Variants in KCNIP4 observed in about 807,000 individuals in gnomAD.
The protein encoded by KCNIP4 is Kv channel-interacting protein 4.
In KCNIP4, 12 loss-of-function variants were observed where a neutral mutation model predicts 34.0. The ratio of observed to expected loss-of-function variants is 0.35; its 90% CI spans 0.23 to 0.57. The LOEUF (loss-of-function observed/expected upper bound fraction) is 0.57. Among genes scored for constraint, KCNIP4 ranks in the 20% least tolerant of loss-of-function variants. The probability of loss-of-function intolerance (pLI) is 0.83; values close to 1 mark genes in which losing one functional copy is unlikely to be tolerated. For missense variants in KCNIP4, 238 were observed against 311.7 expected (o/e 0.76, Z 1.78); for synonymous variants, 124 against 102.2 (o/e 1.21, Z -1.29).
chr4:20,983,153 A>C (rs1307763299), intron 1 of KCNIP4, among the ~76,000 whole-genome samples: 1 of 152,232 alleles, frequency 6.6e-6, no homozygotes, highest in Non-Finnish European at 1.5e-5. Context: ...TTGGATAGCA[A>C]GAGTAAAATT....
chr4:20,805,241 G>A (rs898489166), intron 3 of KCNIP4, among the ~76,000 whole-genome samples: 1 of 104,752 alleles, frequency 9.5e-6, no homozygotes, highest in Non-Finnish European at 1.8e-5. Flanking sequence ...TTTCTGTGTT[G>A]CTCAGACTGC....
intron 1 of KCNIP4, among the ~76,000 whole-genome samples, chr4:21,265,752 T>G (rs1560232102): frequency 6.6e-6 from 1 of 152,204 alleles, no homozygotes; most frequent in Non-Finnish European, 1.5e-5. Flanking sequence ...ACCTATTTGA[T>G]GGGTGGAAGG....
At chr4:21,844,059 C>G (rs983669032) in intron 1 of KCNIP4, 1 of 151,748 alleles carries the variant, frequency 6.6e-6, no homozygotes, top group African/African-American at 2.4e-5. Context: ...TGCATTCACT[C>G]ACTCACTCTA....
chr4:21,125,105 G>A (rs1451025178), intron 1 of KCNIP4, among the ~76,000 whole-genome samples: 1 of 148,786 alleles, frequency 6.7e-6, no homozygotes, highest in Admixed American at 6.8e-5. Context: ...TGAGAAGCCA[G>A]CGTGACTAGA....
rs1356216942 is a variant in KCNIP4, at chr4:21,247,597, C to CACAGATGG, written c.62-364896_62-364889dup. 2.3e-4 allele frequency among the ~76,000 whole-genome samples: 25 copies of CACAGATGG among 110,238 alleles called. 1 individual carries two copies. 72.3% of individuals were successfully genotyped at this position (110,238 alleles called of 152,430 possible). A position where few individuals can be genotyped will look rare whatever the true frequency, so the allele number is the denominator to read the frequency against. ...TAAATACATATATATATATATACAC[C>CACAGATGG]ACAGATGGTATATATATTTATATCT... On this transcript the variant is annotated intron_variant, in intron 1 of 8. Transcript: ENST00000382152.
chr4:21,072,108 G>A (rs1197762896), intron 1 of KCNIP4, among the ~76,000 whole-genome samples: 1 of 152,064 alleles, frequency 6.6e-6, no homozygotes, highest in Non-Finnish European at 1.5e-5. Flanking sequence ...AACATATGTG[G>A]GCATGTGTCT....
chr4:21,740,123 T>G (rs1716293889), intron 1 of KCNIP4, among the ~76,000 whole-genome samples: 1 of 152,074 alleles, frequency 6.6e-6, no homozygotes, highest in Admixed American at 6.5e-5. Flanking sequence ...CAAAAGAATA[T>G]ATGTATACAC....
At chr4:20,759,299 C>A (rs1754750098) in intron 3 of KCNIP4, among the ~76,000 whole-genome samples, 1 of 152,168 alleles carries the variant, frequency 6.6e-6, no homozygotes, top group African/African-American at 2.4e-5. Flanking sequence ...ATCTTCGATT[C>A]AATGGCAGAA....
chr4:20,740,946 A>G (rs918853130), intron 5 of KCNIP4, among the ~76,000 whole-genome samples: 3 of 152,216 alleles, frequency 2.0e-5, no homozygotes, highest in Non-Finnish European at 4.4e-5. Flanking sequence ...AACAGACATT[A>G]AACCAACAAA....
At chr4:21,043,630 C>T (rs998632135) in intron 1 of KCNIP4, among the ~76,000 whole-genome samples, 5 of 152,090 alleles carry the variant, frequency 3.3e-5, no homozygotes, top group African/African-American at 1.2e-4. Flanking sequence ...TGAGCCACTG[C>T]ACCCAGCCCT....
At chr4:21,325,686 G>A (rs569836799) in intron 1 of KCNIP4, among the ~76,000 whole-genome samples, 22 of 151,692 alleles carry the variant, frequency 1.5e-4, no homozygotes, top group African/African-American at 4.8e-4. Context: ...ATGCTTTGCT[G>A]GATTGTTTAT....
intron 1 of KCNIP4, among the ~76,000 whole-genome samples, chr4:21,188,091 A>G (rs759732496): frequency 6.6e-6 from 1 of 152,240 alleles, no homozygotes; most frequent in Non-Finnish European, 1.5e-5. Context: ...AGTATTTACT[A>G]ATACTACTTA....
At chr4:21,642,322 T>C (rs1407460333) in intron 1 of KCNIP4, among the ~76,000 whole-genome samples, 1 of 152,018 alleles carries the variant, frequency 6.6e-6, no homozygotes, top group Non-Finnish European at 1.5e-5. Context: ...AGCATGATCA[T>C]GGAATTCATG....
intron 1 of KCNIP4, among the ~76,000 whole-genome samples, chr4:21,063,169 G>A (rs1363089175): frequency 6.6e-6 from 1 of 152,026 alleles, no homozygotes; most frequent in African/African-American, 2.4e-5. Flanking sequence ...GCCCTCAGAA[G>A]GAACTGACTC....
At chr4:21,841,800 T>A (rs1723704560) in intron 1 of KCNIP4, among the ~76,000 whole-genome samples, 1 of 152,202 alleles carries the variant, frequency 6.6e-6, no homozygotes, top group Non-Finnish European at 1.5e-5. Context: ...AAGGATTAGT[T>A]GTTTATAAAA....
chr4:20,923,583 G>C (rs879777632), intron 1 of KCNIP4, among the ~76,000 whole-genome samples: 17 of 152,106 alleles, frequency 1.1e-4, no homozygotes, highest in African/African-American at 3.6e-4. Context: ...ATAATATTTT[G>C]AATGAAGCAA....
chr4:21,280,711 C>T (rs2109166186), intron 1 of KCNIP4, among the ~76,000 whole-genome samples: 1 of 152,286 alleles, frequency 6.6e-6, no homozygotes, highest in East Asian at 1.9e-4. Context: ...GTCACTAGAT[C>T]CTTGCAATGT....
At chr4:21,453,847 G>T (rs905821353) in intron 1 of KCNIP4, among the ~76,000 whole-genome samples, 6 of 152,070 alleles carry the variant, frequency 3.9e-5, no homozygotes, top group African/African-American at 1.4e-4. Flanking sequence ...CGTGATGGCT[G>T]AGCACCTAAG....
intron 1 of KCNIP4, among the ~76,000 whole-genome samples, chr4:21,305,716 C>A (rs1338054067): frequency 6.6e-6 from 1 of 152,220 alleles, no homozygotes; most frequent in Non-Finnish European, 1.5e-5. Flanking sequence ...GACAGCTCAG[C>A]TTCCTTCACC....
Sources: allele counts gnomAD v4.1 joint callset (sites outside exome capture counted in the v4.1 genomes callset), GRCh38; gene constraint gnomAD v4.1.1; transcripts MANE v1.5; gene names NCBI Gene and HGNC (gene_info 2026-07-23, HGNC 2026-07-21).